The following FNBP1 variants were observed in gnomAD, a reference collection of about 807,000 sequenced individuals.
FNBP1 encodes formin binding protein 1.
In FNBP1, 26 loss-of-function variants were observed where a neutral mutation model predicts 90.6. The ratio of observed to expected loss-of-function variants is 0.29; its 90% CI spans 0.21 to 0.40. FNBP1 has a LOEUF of 0.40. Among genes scored for constraint, FNBP1 ranks in the 10% least tolerant of loss-of-function variants. FNBP1 has a pLI of 1.00. For missense variants in FNBP1, 635 were observed against 768.0 expected, an observed-to-expected ratio of 0.83 and a Z score of 2.05; for synonymous variants, 260 against 265.2, an observed-to-expected ratio of 0.98 and a Z score of 0.19.
chr9:130,023,962 G>A (rs2058097269), intron 1 of FNBP1, among the ~76,000 whole-genome samples: 1 of 152,096 alleles, frequency 6.6e-6, no homozygotes, highest in African/African-American at 2.4e-5. Flanking sequence ...CTCCCTGTGA[G>A]CTGCCTTGCC....
At chr9:130,025,581 A>G (rs911855979) in intron 1 of FNBP1, among the ~76,000 whole-genome samples, 8 of 152,190 alleles carry the variant, frequency 5.3e-5, no homozygotes, top group Non-Finnish European at 1.0e-4. Flanking sequence ...TCACGTCCAC[A>G]ATACCCCTAA....
chr9:129,988,537 C>T (rs2052643505), intron 2 of FNBP1, among the ~76,000 whole-genome samples: 1 of 152,010 alleles, frequency 6.6e-6, no homozygotes, highest in Non-Finnish European at 1.5e-5. Flanking sequence ...ATTAGCCAGG[C>T]ATGGTGGTGT....
At chr9:130,016,522 T>C (rs2057257087) in intron 1 of FNBP1, among the ~76,000 whole-genome samples, 1 of 152,118 alleles carries the variant, frequency 6.6e-6, no homozygotes, top group Non-Finnish European at 1.5e-5. Flanking sequence ...GGCTGGCGGA[T>C]CACCTGAGGC....
At chr9:129,943,104 G>C (rs912340274) in intron 6 of FNBP1, among the ~76,000 whole-genome samples, 4 of 152,152 alleles carry the variant, frequency 2.6e-5, no homozygotes, top group Admixed American at 1.3e-4. Context: ...TGCTCCCTCA[G>C]TGCCCTGGAT....
chr9:129,923,382 C>A (rs973957300), intron 10 of FNBP1, among the ~76,000 whole-genome samples: 2 of 151,912 alleles, frequency 1.3e-5, no homozygotes, highest in Non-Finnish European at 2.9e-5. Context: ...AGATCGAGAC[C>A]ATCCTGGCCA....
intron 6 of FNBP1, among the ~76,000 whole-genome samples, chr9:129,939,250 A>G (rs1042385656): frequency 5.4e-5 from 8 of 148,912 alleles, no homozygotes; most frequent in Admixed American, 4.0e-4. Flanking sequence ...TCAGCCGGGC[A>G]TGGTGGCATG....
In FNBP1 at chr9:130,041,715, C is replaced by T. The variant is rs918443795; in HGVS notation, c.24+1237G>A. On this transcript the variant is annotated intron_variant, in intron 1 of 16. Transcript: ENST00000446176. This position sits in a 1 kb window ranked among gnomAD's most constrained non-coding sequence, Gnocchi z 4.3. ...ATTGCCCTCAGGATTTTGGTAATAA[C>T]AACCGTAGCTGCTTCTGTACCTAAC... Among the ~76,000 whole-genome samples the T allele has an allele frequency of 6.6e-6, 1 of 152,168 alleles. No individual in the cohort carries two copies. The highest frequency in any genetic ancestry group is 1.5e-5 in the Non-Finnish European group (1 of 68,032).
At chr9:129,894,740 C>T (rs111536941) in intron 16 of FNBP1, among the ~76,000 whole-genome samples, 1,960 of 152,336 alleles carry the variant, frequency 0.013, 20 homozygotes, top group Middle Eastern at 0.027. Flanking sequence ...GTAACTCCAT[C>T]TAAACAGCAC....
At chr9:130,010,609 G>A (rs940391690) in intron 1 of FNBP1, among the ~76,000 whole-genome samples, 1 of 152,106 alleles carries the variant, frequency 6.6e-6, no homozygotes, top group Non-Finnish European at 1.5e-5. Flanking sequence ...TGCTTGAAAT[G>A]GCAGAGCCAG....
chr9:130,038,248 C>A (rs535073109), intron 1 of FNBP1, among the ~76,000 whole-genome samples: 2 of 150,174 alleles, frequency 1.3e-5, no homozygotes, highest in African/African-American at 4.9e-5. Flanking sequence ...CCAGCTACTC[C>A]GGAGGCTGAG....
At chr9:129,984,732 T>TGG (rs201314627) in intron 2 of FNBP1, among the ~76,000 whole-genome samples, 2 of 150,488 alleles carry the variant, frequency 1.3e-5, no homozygotes, top group African/African-American at 4.9e-5. Flanking sequence ...AATTGAATCA[T>TGG]GGGGGGGGCC....
intron 1 of FNBP1, among the ~76,000 whole-genome samples, chr9:130,010,783 C>G (rs1214277640): frequency 2.2e-5 from 3 of 134,160 alleles, no homozygotes; most frequent in Non-Finnish European, 3.2e-5. Flanking sequence ...TTTTTTGTCT[C>G]CTTCCAAAAT....
chr9:130,019,278 C>T (rs577645701), intron 1 of FNBP1, among the ~76,000 whole-genome samples: 8 of 145,836 alleles, frequency 5.5e-5, no homozygotes, highest in South Asian at 2.2e-4. Context: ...TCCAGCCTAG[C>T]GACACAGCAA....
chr9:129,914,436 T>TA (rs2039895399), intron 11 of FNBP1, among the ~76,000 whole-genome samples: 1 of 151,970 alleles, frequency 6.6e-6, no homozygotes. Flanking sequence ...AAAGACTGCC[T>TA]AAAAATATTA....
At chr9:129,923,736 A>C in intron 10 of FNBP1, 108 bp downstream of exon 10, 1 of 1,114,406 alleles carries the variant, frequency 9.0e-7, no homozygotes. Flanking sequence ...ACTTTTTTAT[A>C]TGTTATGGGA....
chr9:129,911,942 A>C (rs1311644565), intron 11 of FNBP1, among the ~76,000 whole-genome samples: 2 of 151,560 alleles, frequency 1.3e-5, no homozygotes, highest in Admixed American at 1.3e-4. Flanking sequence ...AAAAAAAAAA[A>C]AAAAACCCAA....
rs948040112 is a variant in FNBP1, at chr9:129,889,780, C to T, written c.*759G>A. On this transcript the variant is annotated 3_prime_UTR_variant, in exon 17 of 17. Coordinates refer to ENST00000446176, the MANE Select transcript of FNBP1 (RefSeq NM_015033.3). Reference sequence around the variant, plus strand: ...GCTCCTCATGGCCGGTGGACACAGGCGAGTCAACAAGGCGAGCTGGAATTC... The same window carrying T: ...GCTCCTCATGGCCGGTGGACACAGGTGAGTCAACAAGGCGAGCTGGAATTC... 3 of 231,926 alleles carry T rather than the reference C, an allele frequency of 1.3e-5. No individual in the cohort carries two copies. Among genetic ancestry groups the T allele is most frequent in the African/African-American group, 2.2e-5 (1 of 45,162 alleles). The allele number at this position is 231,926 out of a possible 1,614,324, so 14.4% of individuals were successfully genotyped here.
intron 6 of FNBP1, among the ~76,000 whole-genome samples, chr9:129,930,210 A>G (rs1158731171): frequency 6.6e-6 from 1 of 152,014 alleles, no homozygotes; most frequent in Non-Finnish European, 1.5e-5. Context: ...ACAGGCGTGC[A>G]CCACCATGCT....
Position 130,005,022 on chromosome 9 carries a change from C to T in FNBP1, c.25-10064G>A, listed in dbSNP as rs540021828. Among the ~76,000 whole-genome samples, 7 of 140,524 alleles carry T rather than the reference C, an allele frequency of 5.0e-5. No homozygotes were observed. In the East Asian group the frequency reaches 6.7e-4, roughly 13 times the overall value. The allele number at this position is 140,524 out of a possible 152,430, so 92.2% of individuals were successfully genotyped here. On this transcript the variant is annotated intron_variant, in intron 1 of 16. Transcript: ENST00000446176. The stretch of plus-strand genomic sequence containing the variant: ...TGGAGGTTGCAGTGAGATGAGATGG[C>T]GCCATTGCACTCCAGCCTGGTGACA...
Sources: allele counts gnomAD v4.1 joint callset (sites outside exome capture counted in the v4.1 genomes callset), GRCh38; gene constraint gnomAD v4.1.1; non-coding constraint Gnocchi (gnomAD v3.1); transcripts MANE v1.5; gene names NCBI Gene and HGNC (gene_info 2026-07-23, HGNC 2026-07-21).